Variants in UCHL3 observed in about 807,000 individuals in gnomAD.
UCHL3 encodes the protein ubiquitin carboxyl-terminal hydrolase isozyme L3.
A neutral mutation model predicts 35.8 loss-of-function variants in UCHL3; 22 were observed. That is an observed-to-expected ratio of 0.61 (90% confidence interval 0.44 to 0.88). The LOEUF (loss-of-function observed/expected upper bound fraction) is 0.88. Ranked by LOEUF, UCHL3 falls within the 40% of genes least tolerant of loss-of-function variation. The pLI is 0.00. For synonymous variants in UCHL3, 90 were observed against 92.8 expected (o/e 0.97, Z 0.17); for missense variants, 229 against 276.9 (o/e 0.83, Z 1.23).
At chr13:75,560,504 CT>C (rs1392399325) in intron 2 of UCHL3, among the ~76,000 whole-genome samples, 2 of 152,192 alleles carry the variant, frequency 1.3e-5, no homozygotes, top group African/African-American at 2.4e-5. Flanking sequence ...TTCTGCCCCC[CT>C]AGTTTTACTG....
At chr13:75,604,217 A>G (rs2032864195) in intron 7 of UCHL3, among the ~76,000 whole-genome samples, 1 of 152,210 alleles carries the variant, frequency 6.6e-6, no homozygotes, top group Non-Finnish European at 1.5e-5. Context: ...AAAAAATAAT[A>G]TTGAAAAAGT....
chr13:75,572,498 G>A (rs1010773092), intron 6 of UCHL3, among the ~76,000 whole-genome samples: 3 of 152,152 alleles, frequency 2.0e-5, no homozygotes, highest in Admixed American at 1.3e-4. Context: ...GTGTGATGAA[G>A]TATGGTATCT....
chr13:75,549,857 C>G lies in UCHL3; in HGVS notation c.37C>G (p.Pro13Ala). ...ACGCTGGCTGCCGCTGGAGGCCAAT[C>G]CCGAGGTGGGCGCGCTTCGGGGCAG... ...GQRWLPLEANPEVTNQFLKQL... is the reference protein window; with the variant it reads ...GQRWLPLEANAEVTNQFLKQL... The change falls in exon 1 of 9, where the codon CCC becomes GCC. Residue 13 changes from proline to alanine, a missense_variant. Coordinates refer to ENST00000377595, the MANE Select transcript of UCHL3 (RefSeq NM_006002.5). 2 of 1,608,264 alleles carry G rather than the reference C, an allele frequency of 1.2e-6. No homozygotes were observed. Among genetic ancestry groups the G allele is most frequent in the Non-Finnish European group, 1.7e-6 (2 of 1,177,168 alleles).
chr13:75,577,886 G>A (rs1370300226), intron 6 of UCHL3, among the ~76,000 whole-genome samples: 1 of 150,266 alleles, frequency 6.7e-6, no homozygotes, highest in African/African-American at 2.5e-5. Flanking sequence ...TATTAATTGA[G>A]GAGCCAGCCC....
intron 6 of UCHL3, among the ~76,000 whole-genome samples, chr13:75,583,717 T>C (rs2032247412): frequency 6.6e-6 from 1 of 152,204 alleles, no homozygotes; most frequent in African/African-American, 2.4e-5. Flanking sequence ...AGTATTACAT[T>C]TATGGTATGT....
intron 6 of UCHL3, among the ~76,000 whole-genome samples, chr13:75,573,324 A>T (rs897769529): frequency 4.6e-5 from 7 of 150,934 alleles, no homozygotes; most frequent in African/African-American, 1.7e-4. Flanking sequence ...TGTTCGGTGT[A>T]TTATTATCTC....
intron 6 of UCHL3, among the ~76,000 whole-genome samples, chr13:75,592,433 T>TACGTATATAC (rs1286363961): frequency 0.012 from 1,237 of 99,090 alleles, 109 homozygotes; most frequent in Non-Finnish European, 0.02. Context: ...TATATATATA[T>TACGTATATAC]ATATATATAT....
At chr13:75,573,737 C>T (rs1316953215) in intron 6 of UCHL3, among the ~76,000 whole-genome samples, 1 of 152,172 alleles carries the variant, frequency 6.6e-6, no homozygotes, top group Non-Finnish European at 1.5e-5. Flanking sequence ...TAACTACTTC[C>T]TTCAATGCCA....
rs149871096 is a variant in UCHL3 at position 75,561,611 on chromosome 13, C to T, written c.183+730C>T. On this transcript the variant is annotated intron_variant, in intron 3 of 8. Coordinates refer to ENST00000377595, the MANE Select transcript of UCHL3 (RefSeq NM_006002.5). ...TAGGGGAAACTGATAATGTAGGTTA[C>T]ATTATTTTCAAAATAAACTTGAATG... 4.4e-3 allele frequency among the ~76,000 whole-genome samples: 661 copies of T among 151,770 alleles called. 3 individuals are homozygous for T. In the Middle Eastern group the frequency reaches 0.048, roughly 11 times the overall value.
chr13:75,584,243 A>G (rs979722447), intron 6 of UCHL3, among the ~76,000 whole-genome samples: 1 of 152,156 alleles, frequency 6.6e-6, no homozygotes, highest in Non-Finnish European at 1.5e-5. Context: ...CAAGCCCACC[A>G]TTAGACTAGC....
intron 6 of UCHL3, among the ~76,000 whole-genome samples, chr13:75,573,413 T>C (rs568276425): frequency 1.8e-4 from 27 of 152,352 alleles, no homozygotes; most frequent in Non-Finnish European, 3.4e-4. Context: ...TCTGTATTAG[T>C]TTGCTTGGGC....
intron 7 of UCHL3, among the ~76,000 whole-genome samples, chr13:75,596,002 C>CT (rs1566229932): frequency 6.6e-6 from 1 of 152,046 alleles, no homozygotes; most frequent in Non-Finnish European, 1.5e-5. Context: ...TTCAGTAATT[C>CT]TAGATACCGT....
intron 2 of UCHL3, among the ~76,000 whole-genome samples, chr13:75,553,349 CT>C (rs2031180794): frequency 6.6e-6 from 1 of 152,120 alleles, no homozygotes; most frequent in Non-Finnish European, 1.5e-5. Flanking sequence ...TTCGTAGTAA[CT>C]TTTTTTGTCA....
At chr13:75,573,586 G>T (rs1354555445) in intron 6 of UCHL3, among the ~76,000 whole-genome samples, 4 of 152,142 alleles carry the variant, frequency 2.6e-5, no homozygotes, top group Non-Finnish European at 5.9e-5. Flanking sequence ...GCCTTACCTG[G>T]CCTGTCCTGT....
intron 6 of UCHL3, among the ~76,000 whole-genome samples, chr13:75,575,170 C>T (rs1347157032): frequency 6.6e-6 from 1 of 152,112 alleles, no homozygotes; most frequent in Non-Finnish European, 1.5e-5. Flanking sequence ...CACCAAAATA[C>T]AGTAGTCTTT....
chr13:75,566,891 A>G, intron 4 of UCHL3, 40 bp downstream of exon 4: 2 of 1,559,392 alleles, frequency 1.3e-6, no homozygotes, highest in South Asian at 1.2e-5. Flanking sequence ...CCCCCTTAAG[A>G]TACAAGTTAA....
chr13:75,569,389 G>C, intron 5 of UCHL3, 71 bp from the exon 6 acceptor site: 1 of 1,248,916 alleles, frequency 8.0e-7, no homozygotes, highest in South Asian at 1.4e-5. Flanking sequence ...TTAAAATTTA[G>C]CTTTGTTGTC....
chr13:75,597,305 G>A (rs1398378420), intron 7 of UCHL3, among the ~76,000 whole-genome samples: 1 of 152,034 alleles, frequency 6.6e-6, no homozygotes, highest in African/African-American at 2.4e-5. Context: ...GCTACAGTGT[G>A]CTATGATTGC....
At chr13:75,603,291 A>G (rs1029387314) in intron 7 of UCHL3, among the ~76,000 whole-genome samples, 10 of 152,204 alleles carry the variant, frequency 6.6e-5, no homozygotes, top group African/African-American at 2.4e-4. Context: ...TTAGCTCTTT[A>G]GTCTCATGAA....
Sources: gnomAD v4.1 joint callset for allele counts (sites outside exome capture counted in the v4.1 genomes callset) on GRCh38, gnomAD v4.1.1 for gene constraint, MANE v1.5 for transcripts, NCBI Gene and HGNC (gene_info 2026-07-23, HGNC 2026-07-21) for gene names.